CECR2: variants seen among roughly 807,000 people sequenced by gnomAD.
The protein encoded by CECR2 is CECR2 histone acetyl-lysine reader.
A neutral mutation model predicts 154.5 loss-of-function variants in CECR2; 30 were observed. The ratio of observed to expected loss-of-function variants is 0.19; its 90% confidence interval spans 0.15 to 0.26. The LOEUF is 0.26. CECR2 is among the 10% of genes least tolerant of loss of function. The pLI is 1.00. For synonymous variants in CECR2, 725 were observed against 683.7 expected (o/e 1.06, Z -0.94); for missense variants, 1,743 against 1,829.3 (o/e 0.95, Z 0.86).
At chr22:17,379,910 A>C (rs2063166732) in intron 1 of CECR2, among the ~76,000 whole-genome samples, 1 of 152,290 alleles carries the variant, frequency 6.6e-6, no homozygotes, top group East Asian at 1.9e-4. Context: ...AAATGAGATC[A>C]CATTATCTGT....
chr22:17,388,104 T>C (rs1361227093), intron 1 of CECR2, among the ~76,000 whole-genome samples: 1 of 151,922 alleles, frequency 6.6e-6, no homozygotes, highest in Non-Finnish European at 1.5e-5. Context: ...ACAGGCACGC[T>C]CCACCATGCC....
At chr22:17,453,418 G>A (rs2054803518) in intron 1 of CECR2, among the ~76,000 whole-genome samples, 1 of 151,998 alleles carries the variant, frequency 6.6e-6, no homozygotes, top group Non-Finnish European at 1.5e-5. Context: ...CTCCAGCCTG[G>A]GCAACAAGAG....
At chr22:17,427,297 A>G (rs2054346294) in intron 1 of CECR2, among the ~76,000 whole-genome samples, 1 of 152,042 alleles carries the variant, frequency 6.6e-6, no homozygotes, top group South Asian at 2.1e-4. Context: ...AGTCTTTGCT[A>G]TTGTGAATAG....
intron 1 of CECR2, among the ~76,000 whole-genome samples, chr22:17,464,725 T>G (rs1381915216): frequency 6.6e-6 from 1 of 152,094 alleles, no homozygotes; most frequent in Non-Finnish European, 1.5e-5. Context: ...GGTCTTAAAC[T>G]CCTCGACTCA....
chr22:17,365,150 G>C (rs1286921626), upstream of CECR2, among the ~76,000 whole-genome samples: 1 of 151,838 alleles, frequency 6.6e-6, no homozygotes, highest in East Asian at 1.9e-4. Context: ...CTTGAACCCA[G>C]GAGGCAGAGG....
chr22:17,475,399 T>A (rs2055192517), intron 1 of CECR2, among the ~76,000 whole-genome samples: 2 of 152,290 alleles, frequency 1.3e-5, no homozygotes, highest in Middle Eastern at 6.8e-3. Context: ...GTCACTGATT[T>A]GCTTAGTGCC....
intron 1 of CECR2, among the ~76,000 whole-genome samples, chr22:17,417,917 G>A (rs761307391): frequency 1.9e-4 from 29 of 151,902 alleles, no homozygotes; most frequent in Non-Finnish European, 3.7e-4. Context: ...CACTGTGCCC[G>A]GCCCTCAATT....
intron 8 of CECR2, chr22:17,518,648 T>G: frequency 2.3e-6 from 1 of 441,902 alleles, no homozygotes; most frequent in Non-Finnish European, 4.6e-6. Flanking sequence ...GCACACAGAT[T>G]GAATTTGCTG....
Position 17,499,457 on chromosome 22 carries a change from T to C in CECR2, c.453T>C (p.Asn151=), listed in dbSNP as rs766083330. ...GTGTGGAGCCATTGGGTGAAGACAATTCTGGGGCACTATATTGGTATTTCT... is the reference window on the plus strand; with the variant it reads ...GTGTGGAGCCATTGGGTGAAGACAACTCTGGGGCACTATATTGGTATTTCT... ...SLRVEPLGED[N]SGALYWYFYG... is the part of the protein sequence containing the mutation. Residue 151 remains asparagine (N), a synonymous_variant, in exon 4 of 19, where the codon AAT becomes AAC. Coordinates refer to ENST00000262608, the MANE Select transcript of CECR2 (RefSeq NM_001290047.2). 4 of 1,613,820 alleles carry C rather than the reference T, an allele frequency of 2.5e-6. No homozygotes were observed. The South Asian group carries it at 4.4e-5, about 18-fold the overall frequency.
At chr22:17,552,787 T>TTTTTTTTTTTTTTTTTTTTTA in intron 18 of CECR2, 48 bp from the exon 19 acceptor site, 3 of 1,391,200 alleles carry the variant, frequency 2.2e-6, no homozygotes, top group African/African-American at 1.5e-5. Context: ...TTTTTTTTTT[T>TTTTTTTTTTTTTTTTTTTTTA]AACAACCCAA....
intron 2 of CECR2, among the ~76,000 whole-genome samples, chr22:17,481,409 A>C (rs1006050851): frequency 6.6e-6 from 1 of 151,992 alleles, no homozygotes; most frequent in Non-Finnish European, 1.5e-5. Context: ...TATAAAATGG[A>C]ATTAGTGACA....
intron 6 of CECR2, among the ~76,000 whole-genome samples, 154 bp from the exon 7 acceptor site, chr22:17,504,693 G>A (rs990237080): frequency 1.3e-5 from 2 of 149,452 alleles, no homozygotes; most frequent in African/African-American, 4.9e-5. Context: ...CGCCCGCCTC[G>A]GCCTCCCAAA....
rs1362819132 is a variant in CECR2, at chr22:17,497,436, C to T, written c.255C>T (p.Ile85=). The T allele has an allele frequency of 6.2e-7, 1 of 1,613,898 alleles. No individual in the cohort carries two copies. Among genetic ancestry groups the T allele is most frequent in the South Asian group, 1.1e-5 (1 of 91,072 alleles). Residue 85 remains isoleucine (I), a synonymous_variant, in exon 3 of 19, where the codon ATC becomes ATT. Transcript: ENST00000262608. The stretch of plus-strand genomic sequence containing the variant: ...CATTCCACAGCTACCTAGAGGACAT[C>T]ATCAACTACCGCTGGGAGCTCGAAG... ...PQTFHSYLED[I]INYRWELEEG...
rs1171723406 is a variant in CECR2 at position 17,515,388 on chromosome 22, CTT to C, written c.954+3494_954+3495del. ...GCAGGCTCCCACCTGCCCACCATGT[CTT>C]TATAGAAAATGTGGAGACTACATGT... On this transcript the variant is annotated intron_variant, in intron 8 of 18. Transcript: ENST00000262608. 1.3e-5 allele frequency among the ~76,000 whole-genome samples: 2 copies of C among 152,178 alleles called. 1 individual carries two copies. Among genetic ancestry groups the C allele is most frequent in the South Asian group, 4.1e-4 (2 of 4,834 alleles).
In CECR2 at chr22:17,497,526, G is replaced by A. The variant is rs368407320; in HGVS notation, c.345G>A (p.Glu115=). Residue 115 remains glutamate (E), a synonymous_variant, in exon 3 of 19, where the codon GAG becomes GAA. Transcript: ENST00000262608. The part of the protein sequence containing the change: ...FQDLPLRTRV[E]ILHRLCDYRL... Reference sequence around the variant, plus strand: ...ACCTGCCTCTTCGCACACGGGTGGAGATCCTGCACCGACTCTGTGATTACC... The same window carrying A: ...ACCTGCCTCTTCGCACACGGGTGGAAATCCTGCACCGACTCTGTGATTACC... 29 of 1,613,856 alleles carry A rather than the reference G, an allele frequency of 1.8e-5. No individual in the cohort carries two copies. Among genetic ancestry groups the A allele is most frequent in the Non-Finnish European group, 2.5e-5 (29 of 1,179,894 alleles).
intron 1 of CECR2, among the ~76,000 whole-genome samples, chr22:17,469,208 G>T (rs189493597): frequency 1.3e-5 from 2 of 152,170 alleles, no homozygotes; most frequent in Admixed American, 1.3e-4. Flanking sequence ...CAGAAAGGCA[G>T]CTGTGGCATC....
intron 2 of CECR2, among the ~76,000 whole-genome samples, chr22:17,484,465 A>AG (rs1280135758): frequency 6.6e-6 from 1 of 152,198 alleles, no homozygotes; most frequent in Admixed American, 6.5e-5. Flanking sequence ...CTAATCACTG[A>AG]GGTTTGACTT....
intron 9 of CECR2, among the ~76,000 whole-genome samples, chr22:17,532,810 C>T (rs1013623478): frequency 1.1e-4 from 15 of 132,382 alleles, no homozygotes; most frequent in African/African-American, 4.0e-4. Flanking sequence ...TTCCGCCTCC[C>T]GGGTTCAAAT....
At chr22:17,395,581 G>C (rs2053796371) in intron 1 of CECR2, among the ~76,000 whole-genome samples, 1 of 152,154 alleles carries the variant, frequency 6.6e-6, no homozygotes, top group Non-Finnish European at 1.5e-5. Flanking sequence ...CTGATCTCAA[G>C]TGATATGCCC....
Sources: allele counts gnomAD v4.1 joint callset (sites outside exome capture counted in the v4.1 genomes callset), GRCh38; gene constraint gnomAD v4.1.1; transcripts MANE v1.5; gene names NCBI Gene and HGNC (gene_info 2026-07-23, HGNC 2026-07-21).